The following CTNNA2 variants were observed in gnomAD, a reference collection of about 807,000 sequenced individuals.
The protein encoded by CTNNA2 is catenin alpha-2.
In CTNNA2, 42 loss-of-function variants were observed where a neutral mutation model predicts 101.0. The ratio of observed to expected loss-of-function variants is 0.42; its 90% CI spans 0.32 to 0.54. The LOEUF (loss-of-function observed/expected upper bound fraction) is 0.54. Ranked by LOEUF, CTNNA2 falls within the 20% of genes least tolerant of loss-of-function variation. The probability of loss-of-function intolerance (pLI) is 0.14; values close to 1 mark genes in which losing one functional copy is unlikely to be tolerated. For missense variants in CTNNA2, 871 were observed against 1,223.1 expected, an observed-to-expected ratio of 0.71 and a Z score of 4.29; for synonymous variants, 450 against 456.4, an observed-to-expected ratio of 0.99 and a Z score of 0.18.
chr2:80,592,230 C>T (rs1397353004), intron 15 of CTNNA2, among the ~76,000 whole-genome samples: 1 of 152,130 alleles, frequency 6.6e-6, no homozygotes, highest in Non-Finnish European at 1.5e-5. Flanking sequence ...ATTTCCCAAA[C>T]TTGATTTTCT....
chr2:80,104,895 G>A (rs980211528), intron 7 of CTNNA2, among the ~76,000 whole-genome samples: 7 of 152,164 alleles, frequency 4.6e-5, no homozygotes, highest in African/African-American at 1.7e-4. Flanking sequence ...GTACAGGAGT[G>A]TTTTAATCAT....
In CTNNA2 at chr2:80,220,547, C is replaced by A. The variant is rs148391180; in HGVS notation, c.1057-172664C>A. 5.4e-4 allele frequency among the ~76,000 whole-genome samples: 82 copies of A among 152,302 alleles called. 1 individual carries two copies. Among genetic ancestry groups the A allele is most frequent in the African/African-American group, 1.7e-3 (72 of 41,574 alleles). On this transcript the variant is annotated intron_variant, in intron 7 of 18. Coordinates refer to ENST00000402739, the MANE Select transcript of CTNNA2 (RefSeq NM_001282597.3). ...GACCAGCCTGGGCAACATAGCAAGA[C>A]CTCGGCTCTATTAAAAATAAAATTA...
chr2:79,211,186 C>T (rs1446992916), intron 2 of CTNNA2, among the ~76,000 whole-genome samples: 3 of 152,188 alleles, frequency 2.0e-5, no homozygotes. Flanking sequence ...TCACACTCTC[C>T]CTTCTCATTT....
chr2:80,336,913 A>T (rs1265524870), intron 7 of CTNNA2, among the ~76,000 whole-genome samples: 1 of 152,226 alleles, frequency 6.6e-6, no homozygotes, highest in East Asian at 1.9e-4. Flanking sequence ...CAAAGGGGAT[A>T]CATGAGGGAT....
chr2:79,703,290 A>AT (rs1685131773), intron 2 of CTNNA2, among the ~76,000 whole-genome samples: 1 of 152,238 alleles, frequency 6.6e-6, no homozygotes, highest in African/African-American at 2.4e-5. Context: ...ACTTGACATT[A>AT]GTAGCTTAAA....
intron 7 of CTNNA2, among the ~76,000 whole-genome samples, chr2:79,922,681 G>A (rs1384295165): frequency 6.7e-6 from 1 of 148,822 alleles, no homozygotes; most frequent in Non-Finnish European, 1.5e-5. Flanking sequence ...ATTCTGGAAG[G>A]ATCACCACCC....
intron 2 of CTNNA2, among the ~76,000 whole-genome samples, chr2:79,701,242 T>C (rs772827043): frequency 1.3e-5 from 2 of 152,152 alleles, no homozygotes; most frequent in Non-Finnish European, 2.9e-5. Flanking sequence ...AGAACACTTA[T>C]ACTACCTGCC....
At chr2:80,190,403 G>A (rs904745203) in intron 7 of CTNNA2, among the ~76,000 whole-genome samples, 9 of 152,106 alleles carry the variant, frequency 5.9e-5, no homozygotes, top group African/African-American at 2.2e-4. Flanking sequence ...GGTTTGTATA[G>A]CATTTTCAGT....
chr2:80,247,904 A>G (rs114353799), intron 7 of CTNNA2, among the ~76,000 whole-genome samples: 210 of 152,320 alleles, frequency 1.4e-3, no homozygotes, highest in African/African-American at 4.9e-3. Context: ...TAAATATCCC[A>G]AGTGGCCTTA....
chr2:79,774,699 C>T (rs976970481), intron 3 of CTNNA2, among the ~76,000 whole-genome samples: 11 of 152,076 alleles, frequency 7.2e-5, no homozygotes, highest in African/African-American at 2.7e-4. Flanking sequence ...TTGTGAATAT[C>T]CACAAAACAG....
At chr2:80,149,840 A>G (rs536739490) in intron 7 of CTNNA2, among the ~76,000 whole-genome samples, 139 of 151,800 alleles carry the variant, frequency 9.2e-4, no homozygotes, top group Non-Finnish European at 1.4e-3. Flanking sequence ...CTGAAAGTTT[A>G]TTAGACAATG....
At chr2:80,502,965 G>T (rs1040232087) in intron 9 of CTNNA2, among the ~76,000 whole-genome samples, 1 of 152,146 alleles carries the variant, frequency 6.6e-6, no homozygotes, top group African/African-American at 2.4e-5. Flanking sequence ...CCAGGAATTT[G>T]AGACCAGTGT....
At chr2:79,603,517 A>T (rs1048448708) in intron 1 of CTNNA2, among the ~76,000 whole-genome samples, 2 of 152,224 alleles carry the variant, frequency 1.3e-5, no homozygotes, top group Admixed American at 1.3e-4. Flanking sequence ...ACTTTCACTC[A>T]TCTTATGTGA....
intron 1 of CTNNA2, among the ~76,000 whole-genome samples, chr2:79,600,399 A>T (rs1330660625): frequency 1.3e-5 from 2 of 151,818 alleles, no homozygotes; most frequent in Non-Finnish European, 2.9e-5. Context: ...GCTGGTCTCA[A>T]ACTCCTGGGC....
intron 2 of CTNNA2, among the ~76,000 whole-genome samples, chr2:79,293,496 G>A (rs143975986): frequency 1.9e-3 from 295 of 152,170 alleles, no homozygotes; most frequent in African/African-American, 6.8e-3. Context: ...GCAATATAAG[G>A]CAAATATAGT....
chr2:79,649,001 G>C (rs1366620186), intron 1 of CTNNA2, among the ~76,000 whole-genome samples: 1 of 152,114 alleles, frequency 6.6e-6, no homozygotes, highest in African/African-American at 2.4e-5. Context: ...TGAGTGATTT[G>C]TCTGGGAACT....
intron 1 of CTNNA2, among the ~76,000 whole-genome samples, chr2:79,605,839 G>T (rs921944609): frequency 2.0e-5 from 3 of 152,092 alleles, no homozygotes; most frequent in African/African-American, 7.2e-5. Context: ...TGAGGCAGGA[G>T]GATAGTTGGA....
chr2:79,379,777 T>C (rs1474952712), intron 4 of CTNNA2, among the ~76,000 whole-genome samples: 1 of 152,124 alleles, frequency 6.6e-6, no homozygotes, highest in Non-Finnish European at 1.5e-5. Flanking sequence ...GGAAGAAATA[T>C]CCCAGATTCG....
intron 7 of CTNNA2, among the ~76,000 whole-genome samples, chr2:79,961,821 CAAAAAAAAAAA>C (rs35063153): frequency 1.2e-5 from 1 of 86,832 alleles, no homozygotes; most frequent in Non-Finnish European, 2.2e-5. Flanking sequence ...GACTCCGTCT[CAAAAAAAAAAA>C]AAAAAAAAAA....
Sources: allele counts gnomAD v4.1 joint callset (sites outside exome capture counted in the v4.1 genomes callset), GRCh38; gene constraint gnomAD v4.1.1; transcripts MANE v1.5; gene names NCBI Gene and HGNC (gene_info 2026-07-23, HGNC 2026-07-21).